The following TLK2 variants were observed in gnomAD, a reference collection of about 807,000 sequenced individuals.
TLK2 encodes serine/threonine-protein kinase tousled-like 2.
TLK2 carries 6 observed loss-of-function variants against 117.3 expected under a neutral mutation model. The ratio of observed to expected loss-of-function variants is 0.05; its 90% CI spans 0.03 to 0.10. The LOEUF is 0.10. Ranked by LOEUF, TLK2 falls within the 10% of genes least tolerant of loss-of-function variation. TLK2 has a pLI of 1.00. For synonymous variants in TLK2, 257 were observed against 316.7 expected (o/e 0.81, Z 2.00); for missense variants, 299 against 901.2 (o/e 0.33, Z 8.56).
At chr17:62,472,107 C>T (rs370917451) in intron 1 of TLK2, among the ~76,000 whole-genome samples, 1 of 150,928 alleles carries the variant, frequency 6.6e-6, no homozygotes, top group South Asian at 2.1e-4. Context: ...GGGGTTTCAC[C>T]GTGTTAGCCA....
At chr17:62,573,060 C>A in intron 11 of TLK2, 155 bp from the exon 12 acceptor site, 1 of 730,776 alleles carries the variant, frequency 1.4e-6, no homozygotes, top group Non-Finnish European at 2.2e-6. Flanking sequence ...AATTATTTGG[C>A]CCTTCCAATC....
chr17:62,537,442 T>A (rs2077192287), intron 7 of TLK2, among the ~76,000 whole-genome samples: 1 of 152,244 alleles, frequency 6.6e-6, no homozygotes, highest in African/African-American at 2.4e-5. Flanking sequence ...CGCCACTGTC[T>A]GTGTGGAGTT....
At chr17:62,498,046 C>T (rs183012889) in intron 2 of TLK2, among the ~76,000 whole-genome samples, 1 of 152,268 alleles carries the variant, frequency 6.6e-6, no homozygotes, top group African/African-American at 2.4e-5. Flanking sequence ...TTCAGAAACC[C>T]TCATTATTAC....
intron 2 of TLK2, among the ~76,000 whole-genome samples, chr17:62,511,470 A>C (rs2075140210): frequency 6.6e-6 from 1 of 152,188 alleles, no homozygotes; most frequent in South Asian, 2.1e-4. Flanking sequence ...TCCTGGGTTC[A>C]AGTGATCCTC....
At chr17:62,485,270 C>T (rs1173698356) in intron 2 of TLK2, among the ~76,000 whole-genome samples, 2 of 152,202 alleles carry the variant, frequency 1.3e-5, no homozygotes, top group East Asian at 3.8e-4. Context: ...GTCAGTGCCA[C>T]TGTGGATTCT....
intron 19 of TLK2, 154 bp from the exon 20 acceptor site, chr17:62,605,976 A>G (rs1031923072): frequency 3.7e-5 from 13 of 354,014 alleles, no homozygotes; most frequent in Admixed American, 9.1e-5. Context: ...CACTGTACTC[A>G]GCCTGGGTGA....
chr17:62,576,854 G>C (rs1406656456), intron 13 of TLK2, 79 bp downstream of exon 13: 3 of 1,135,320 alleles, frequency 2.6e-6, no homozygotes, highest in East Asian at 2.4e-5. Context: ...TGGTCATTTG[G>C]GTGAATGTAA....
At chr17:62,527,796 G>A (rs1268992397) in intron 6 of TLK2, among the ~76,000 whole-genome samples, 2 of 151,510 alleles carry the variant, frequency 1.3e-5, no homozygotes, top group East Asian at 3.9e-4. Context: ...AGGCTGGAGT[G>A]CAGTGGTGCG....
At chr17:62,501,960 A>G (rs556203525) in intron 2 of TLK2, among the ~76,000 whole-genome samples, 2 of 152,068 alleles carry the variant, frequency 1.3e-5, no homozygotes, top group Admixed American at 1.3e-4. Context: ...AAGTCTTCCT[A>G]AAAAGAAGAA....
intron 16 of TLK2, among the ~76,000 whole-genome samples, chr17:62,588,346 C>T (rs1329366370): frequency 6.6e-6 from 1 of 152,150 alleles, no homozygotes; most frequent in Non-Finnish European, 1.5e-5. Context: ...CGGGCCTTGT[C>T]CCTCCTTCAA....
intron 7 of TLK2, among the ~76,000 whole-genome samples, chr17:62,551,167 T>A (rs2078430270): frequency 6.6e-6 from 1 of 152,204 alleles, no homozygotes; most frequent in Non-Finnish European, 1.5e-5. Context: ...GTGAAACATT[T>A]AGGTTACAGT....
chr17:62,509,649 C>T (rs1054879808), intron 2 of TLK2, among the ~76,000 whole-genome samples: 2 of 152,140 alleles, frequency 1.3e-5, no homozygotes, highest in African/African-American at 4.8e-5. Flanking sequence ...GAATGTGTTC[C>T]TTCCAAAATT....
At chr17:62,573,107 G>A (rs2080444916) in intron 11 of TLK2, 108 bp from the exon 12 acceptor site, 2 of 1,256,178 alleles carry the variant, frequency 1.6e-6, no homozygotes, top group Non-Finnish European at 2.2e-6. Flanking sequence ...ACTTAAAGGG[G>A]CTTATTTTTT....
intron 16 of TLK2, among the ~76,000 whole-genome samples, chr17:62,594,066 T>G (rs1222813652): frequency 6.6e-6 from 1 of 151,224 alleles, no homozygotes; most frequent in Non-Finnish European, 1.5e-5. Context: ...GTGCTGGGAT[T>G]ACAGCCGTTA....
At chr17:62,605,282 G>A (rs530365734) in intron 19 of TLK2, among the ~76,000 whole-genome samples, 5 of 152,252 alleles carry the variant, frequency 3.3e-5, no homozygotes, top group African/African-American at 9.6e-5. Context: ...AGCCGAGATC[G>A]TGAGTGAAGT....
chr17:62,486,765 G>A (rs751033574), intron 2 of TLK2, among the ~76,000 whole-genome samples: 4 of 152,122 alleles, frequency 2.6e-5, no homozygotes, highest in Admixed American at 2.6e-4. Flanking sequence ...TACAACAAAA[G>A]CAATAAGAAA....
At chr17:62,493,027 G>A (rs966175922) in intron 2 of TLK2, among the ~76,000 whole-genome samples, 2 of 152,036 alleles carry the variant, frequency 1.3e-5, no homozygotes, top group African/African-American at 2.4e-5. Context: ...GAACCGGGAG[G>A]TGGAGGTTGC....
chr17:62,496,267 T>C (rs1220261821), intron 2 of TLK2, among the ~76,000 whole-genome samples: 3 of 152,244 alleles, frequency 2.0e-5, no homozygotes, highest in Non-Finnish European at 2.9e-5. Context: ...TGTTCTTTTT[T>C]TCAAGGCTGC....
intron 11 of TLK2, among the ~76,000 whole-genome samples, chr17:62,571,199 A>G (rs1324431025): frequency 6.6e-6 from 1 of 152,220 alleles, no homozygotes; most frequent in Non-Finnish European, 1.5e-5. Flanking sequence ...AATTGGTTCC[A>G]GGACCTTCCT....
Sources: gnomAD v4.1 joint callset for allele counts (sites outside exome capture counted in the v4.1 genomes callset) on GRCh38, gnomAD v4.1.1 for gene constraint, MANE v1.5 for transcripts, NCBI Gene and HGNC (gene_info 2026-07-23, HGNC 2026-07-21) for gene names.